NPEPPS: variants seen among roughly 807,000 people sequenced by gnomAD.
NPEPPS encodes the protein aminopeptidase puromycin sensitive.
A neutral mutation model predicts 115.5 loss-of-function variants in NPEPPS; 14 were observed. The ratio of observed to expected loss-of-function variants is 0.12; its 90% CI spans 0.08 to 0.19. The LOEUF (loss-of-function observed/expected upper bound fraction) is 0.19, where lower values mean the gene tolerates loss of function less well. NPEPPS is among the 10% of genes least tolerant of loss of function. The pLI, the probability that NPEPPS is intolerant of heterozygous loss-of-function variation, is 1.00. For missense variants in NPEPPS, 523 were observed against 1,110.8 expected (o/e 0.47, Z 7.52); for synonymous variants, 285 against 390.6 (o/e 0.73, Z 3.19).
At chr17:47,584,965 T>G (rs2143850507) in intron 5 of NPEPPS, among the ~76,000 whole-genome samples, 1 of 152,208 alleles carries the variant, frequency 6.6e-6, no homozygotes, top group Non-Finnish European at 1.5e-5. Flanking sequence ...GTAGCTGGGA[T>G]TACAGGCACC....
At chr17:47,599,852 C>G in intron 14 of NPEPPS, 113 bp downstream of exon 14, 1 of 856,574 alleles carries the variant, frequency 1.2e-6, no homozygotes, top group Non-Finnish European at 1.8e-6. Context: ...GAGTCTCACT[C>G]TGTCGCCCAG....
At chr17:47,566,657 G>C (rs965793200) in intron 2 of NPEPPS, among the ~76,000 whole-genome samples, 2 of 151,206 alleles carry the variant, frequency 1.3e-5, no homozygotes, top group African/African-American at 4.9e-5. Context: ...GCACCACCAC[G>C]CATGATCCAC....
At chr17:47,540,044 G>A (rs372481426) in intron 1 of NPEPPS, among the ~76,000 whole-genome samples, 11 of 152,192 alleles carry the variant, frequency 7.2e-5, no homozygotes, top group Non-Finnish European at 1.3e-4. Context: ...CTGAGTGACT[G>A]TAGTAAAGAC....
intron 3 of NPEPPS, among the ~76,000 whole-genome samples, chr17:47,572,152 C>T (rs1173285487): frequency 6.6e-6 from 1 of 152,140 alleles, no homozygotes; most frequent in East Asian, 1.9e-4. Context: ...TGGTGACTCA[C>T]ACCTGTAATC....
chr17:47,619,253 C>T, intron 21 of NPEPPS, 89 bp downstream of exon 21: 2 of 1,309,332 alleles, frequency 1.5e-6, no homozygotes, highest in Non-Finnish European at 2.1e-6. Flanking sequence ...GTGGTCTTTG[C>T]TCTTTAAATG....
intron 1 of NPEPPS, 141 bp downstream of exon 1, chr17:47,531,696 G>A: frequency 9.4e-7 from 1 of 1,061,208 alleles, no homozygotes; most frequent in Non-Finnish European, 1.2e-6. Context: ...GGTTCGGCGT[G>A]CTCTGCCTTG....
chr17:47,534,911 C>T (rs1430449190), intron 1 of NPEPPS, among the ~76,000 whole-genome samples: 1 of 151,888 alleles, frequency 6.6e-6, no homozygotes, highest in Non-Finnish European at 1.5e-5. Context: ...TGGACTGCTG[C>T]AGAAGGTGAA....
At chr17:47,576,114 A>G (rs1911506139) in intron 3 of NPEPPS, among the ~76,000 whole-genome samples, 1 of 152,188 alleles carries the variant, frequency 6.6e-6, no homozygotes, top group South Asian at 2.1e-4. Context: ...GCAAGCTATT[A>G]TACAGCTAAG....
intron 15 of NPEPPS, 116 bp from the exon 16 acceptor site, chr17:47,603,799 T>C (rs1282238753): frequency 3.4e-6 from 3 of 872,630 alleles, no homozygotes; most frequent in Non-Finnish European, 5.3e-6. Flanking sequence ...GCATAGATGG[T>C]CTTAATTGTT....
chr17:47,534,670 C>T (rs1019050580), intron 1 of NPEPPS, among the ~76,000 whole-genome samples: 4 of 151,962 alleles, frequency 2.6e-5, no homozygotes, highest in African/African-American at 7.2e-5. Context: ...CGGGTTCAAG[C>T]GAGTCTCCTT....
Position 47,546,296 on chromosome 17 carries a change from C to T in NPEPPS, c.340+303C>T, listed in dbSNP as rs1327043103. Among the ~76,000 whole-genome samples the T allele has an allele frequency of 9.2e-5, 14 of 151,872 alleles. 1 individual carries two copies. The highest frequency in any genetic ancestry group is 1.5e-4 in the African/African-American group (6 of 41,328). ...GAAATATTAGCTAGGCATAGTGGTG[C>T]GTGCCTGTAGTCCCAGCTATTTGGG... is the stretch of plus-strand genomic sequence containing the variant. On this transcript the variant is annotated intron_variant, in intron 2 of 22. Coordinates refer to ENST00000322157, the MANE Select transcript of NPEPPS (RefSeq NM_006310.4).
chr17:47,586,864 GT>G, intron 8 of NPEPPS: 3 of 426,290 alleles, frequency 7.0e-6, no homozygotes, highest in East Asian at 6.4e-5. Flanking sequence ...GCTCAGTGCT[GT>G]TTTTGGGACT....
intron 1 of NPEPPS, among the ~76,000 whole-genome samples, chr17:47,537,158 C>G (rs1458630723): frequency 6.8e-6 from 1 of 147,098 alleles, no homozygotes; most frequent in Admixed American, 6.8e-5. Flanking sequence ...GACCCTGTCT[C>G]CAGGAAAAAA....
At chr17:47,531,647 G>A (rs1473886022) in intron 1 of NPEPPS, 92 bp downstream of exon 1, 43 of 1,407,744 alleles carry the variant, frequency 3.1e-5, no homozygotes, top group Non-Finnish European at 3.8e-5. Context: ...GGGAGGGCGG[G>A]CGGGCCTCGG....
In NPEPPS at chr17:47,601,675, A is replaced by T; in HGVS notation, c.1668A>T (p.Lys556Asn). ...ISTSEDPNQAKLKILMDKPEM... is the reference protein window; with the variant it reads ...ISTSEDPNQANLKILMDKPEM... ...CTAGTGAAGACCCCAACCAGGCCAA[A>T]CTAAAAATTCTAATGGACAAGCCAG... Residue 556 changes from lysine to asparagine, a missense_variant, in exon 15 of 23, where the codon AAA becomes AAT. Physicochemically the swap from Lys to Asn is moderately conservative, Grantham distance 94 (BLOSUM62 0). Transcript: ENST00000322157. The T allele has an allele frequency of 6.2e-7, 1 of 1,612,594 alleles. No individual in the cohort carries two copies. Among genetic ancestry groups the T allele is most frequent in the South Asian group, 1.1e-5 (1 of 90,762 alleles).
chr17:47,594,969 G>A (rs567442172), intron 12 of NPEPPS, among the ~76,000 whole-genome samples: 8 of 151,024 alleles, frequency 5.3e-5, no homozygotes, highest in East Asian at 2.0e-4. Context: ...TTGCTCTGTC[G>A]CCCAGGCTGG....
chr17:47,581,274 T>C (rs549374679), intron 4 of NPEPPS: 1 of 152,316 alleles, frequency 6.6e-6, no homozygotes, highest in African/African-American at 2.4e-5. Flanking sequence ...GTGTTCACTT[T>C]TCATTGATTT....
chr17:47,530,049 A>G (rs1221018731), upstream of NPEPPS, among the ~76,000 whole-genome samples: 3 of 142,350 alleles, frequency 2.1e-5, no homozygotes, highest in African/African-American at 7.7e-5. Context: ...CGATTCTCCT[A>G]CCTCAGCCTC....
chr17:47,604,167 C>T, intron 16 of NPEPPS, 118 bp downstream of exon 16: 1 of 865,300 alleles, frequency 1.2e-6, no homozygotes, highest in South Asian at 2.3e-5. Flanking sequence ...TTAAAAACAC[C>T]TTTGGGACTA....
Sources: gnomAD v4.1 joint callset for allele counts (sites outside exome capture counted in the v4.1 genomes callset) on GRCh38, gnomAD v4.1.1 for gene constraint, MANE v1.5 for transcripts, NCBI Gene and HGNC (gene_info 2026-07-23, HGNC 2026-07-21) for gene names.